The following ERBB4 variants were observed in gnomAD, a reference collection of about 807,000 sequenced individuals.
The protein encoded by ERBB4 is erb-b2 receptor tyrosine kinase 4, also known as receptor tyrosine-protein kinase erbB-4.
Under a neutral mutation model 158.0 loss-of-function variants are expected in ERBB4, and 42 were observed. The ratio of observed to expected loss-of-function variants is 0.27; its 90% CI spans 0.21 to 0.34. ERBB4 has a LOEUF of 0.34. Ranked by LOEUF, ERBB4 falls within the 10% of genes least tolerant of loss-of-function variation. The pLI is 1.00. For missense variants in ERBB4, 1,333 were observed against 1,624.1 expected (o/e 0.82, Z 3.08); for synonymous variants, 583 against 558.7 (o/e 1.04, Z -0.61).
chr2:212,349,493 T>C (rs975247946), intron 1 of ERBB4, among the ~76,000 whole-genome samples: 1 of 152,056 alleles, frequency 6.6e-6, no homozygotes, highest in Admixed American at 6.6e-5. Flanking sequence ...AAAACCTGAC[T>C]AACAGATTAA....
chr2:212,493,317 TATTA>T (rs1266130011), intron 1 of ERBB4, among the ~76,000 whole-genome samples: 1 of 151,316 alleles, frequency 6.6e-6, no homozygotes, highest in African/African-American at 2.4e-5. Flanking sequence ...ATTCAAATTT[TATTA>T]ATATTTAATG....
At chr2:211,428,506 A>G in intron 21 of ERBB4, 23 bp from the exon 22 acceptor site, 4 of 1,312,254 alleles carry the variant, frequency 3.0e-6, no homozygotes, top group Non-Finnish European at 3.3e-6. Context: ...AAGAAGTAAA[A>G]GTTTTAAAAT....
At chr2:212,251,444 A>C (rs2106050309) in intron 1 of ERBB4, among the ~76,000 whole-genome samples, 1 of 152,152 alleles carries the variant, frequency 6.6e-6, no homozygotes, top group Admixed American at 6.5e-5. Context: ...TGAGAAGAGA[A>C]AACAGACACG....
At chr2:211,840,330 T>C (rs2077443021) in intron 3 of ERBB4, among the ~76,000 whole-genome samples, 2 of 152,170 alleles carry the variant, frequency 1.3e-5, no homozygotes, top group Admixed American at 6.6e-5. Flanking sequence ...TCTCCAGCCA[T>C]GTGGAACTGT....
At chr2:212,410,000 T>C (rs1000785453) in intron 1 of ERBB4, among the ~76,000 whole-genome samples, 2 of 151,786 alleles carry the variant, frequency 1.3e-5, no homozygotes, top group African/African-American at 4.8e-5. Context: ...AAACAATAAA[T>C]CTAAAAAATA....
intron 1 of ERBB4, among the ~76,000 whole-genome samples, chr2:212,382,397 A>C (rs2090534115): frequency 6.6e-6 from 1 of 150,874 alleles, no homozygotes; most frequent in African/African-American, 2.4e-5. Flanking sequence ...CTATGTAAAA[A>C]TGTGTGTATT....
In ERBB4 at chr2:212,307,722, T is replaced by C. The variant is rs148163457; in HGVS notation, c.83-182819A>G. 4.9e-3 allele frequency among the ~76,000 whole-genome samples: 738 copies of C among 151,372 alleles called. 3 individuals are homozygous for C. Among genetic ancestry groups the C allele is most frequent in the African/African-American group, 0.017 (703 of 41,454 alleles). ...TCACATACACCATATGAGATTGAGATCACAGTCTAGTGTTTAAAATACAGA... is the reference window on the plus strand; with the variant it reads ...TCACATACACCATATGAGATTGAGACCACAGTCTAGTGTTTAAAATACAGA... On this transcript the variant is annotated intron_variant, in intron 1 of 27. Coordinates refer to ENST00000342788, the MANE Select transcript of ERBB4 (RefSeq NM_005235.3).
At chr2:211,830,751 G>A (rs1432406033) in intron 3 of ERBB4, among the ~76,000 whole-genome samples, 1 of 151,774 alleles carries the variant, frequency 6.6e-6, no homozygotes, top group Non-Finnish European at 1.5e-5. Context: ...TACAACCCAG[G>A]TAGCAGAAAT....
At chr2:212,244,850 C>T (rs1487626632) in intron 1 of ERBB4, among the ~76,000 whole-genome samples, 2 of 152,094 alleles carry the variant, frequency 1.3e-5, no homozygotes, top group African/African-American at 4.8e-5. Context: ...TATGTTCTAG[C>T]TGACATTAAT....
chr2:211,761,824 T>C (rs1476101600), intron 4 of ERBB4, among the ~76,000 whole-genome samples: 1 of 152,212 alleles, frequency 6.6e-6, no homozygotes, highest in Non-Finnish European at 1.5e-5. Flanking sequence ...TTCATTTATA[T>C]GCTCACAAAA....
At chr2:212,331,401 G>A (rs1346888293) in intron 1 of ERBB4, among the ~76,000 whole-genome samples, 6 of 151,340 alleles carry the variant, frequency 4.0e-5, no homozygotes, top group East Asian at 3.9e-4. Flanking sequence ...GGGGAATCTC[G>A]CAAACCAAAA....
chr2:212,113,506 G>A (rs958060084), intron 2 of ERBB4, among the ~76,000 whole-genome samples: 10 of 148,754 alleles, frequency 6.7e-5, no homozygotes, highest in African/African-American at 1.8e-4. Context: ...CCCGGGAGGC[G>A]GAGCTTGCAG....
intron 1 of ERBB4, among the ~76,000 whole-genome samples, chr2:212,246,377 T>C (rs940385063): frequency 5.3e-5 from 8 of 152,322 alleles, no homozygotes; most frequent in Admixed American, 1.3e-4. Flanking sequence ...GAGTGTACTA[T>C]TCCTTCTCAA....
chr2:211,677,058 T>C (rs927742116), intron 13 of ERBB4, among the ~76,000 whole-genome samples: 1 of 152,200 alleles, frequency 6.6e-6, no homozygotes, highest in Admixed American at 6.5e-5. Flanking sequence ...CTTATGCTTC[T>C]AATATTAATA....
intron 20 of ERBB4, among the ~76,000 whole-genome samples, chr2:211,534,283 A>G (rs1402408703): frequency 6.6e-6 from 1 of 152,100 alleles, no homozygotes; most frequent in Non-Finnish European, 1.5e-5. Context: ...ATTTTATTCA[A>G]AGGGATAACA....
chr2:212,000,947 G>T (rs184129827), intron 2 of ERBB4, among the ~76,000 whole-genome samples: 37 of 151,942 alleles, frequency 2.4e-4, no homozygotes, highest in Admixed American at 5.2e-4. Flanking sequence ...TTAAGAAAGA[G>T]AGAACATTTT....
intron 1 of ERBB4, among the ~76,000 whole-genome samples, chr2:212,129,018 GTAT>G (rs1219869479): frequency 6.6e-6 from 1 of 151,892 alleles, no homozygotes; most frequent in Admixed American, 6.6e-5. Context: ...TTGAGAAAAG[GTAT>G]TATTATATGG....
At chr2:211,540,735 A>T (rs1574707114) in intron 20 of ERBB4, among the ~76,000 whole-genome samples, 1 of 150,462 alleles carries the variant, frequency 6.6e-6, no homozygotes, top group Non-Finnish European at 1.5e-5. Flanking sequence ...CTAGAGAAAT[A>T]TTTTTTTTTC....
At chr2:212,365,149 T>C (rs2089838780) in intron 1 of ERBB4, among the ~76,000 whole-genome samples, 1 of 151,620 alleles carries the variant, frequency 6.6e-6, no homozygotes, top group Non-Finnish European at 1.5e-5. Context: ...AATCCTTTCT[T>C]TTAGGAACAC....
Sources: allele counts gnomAD v4.1 joint callset (sites outside exome capture counted in the v4.1 genomes callset), GRCh38; gene constraint gnomAD v4.1.1; transcripts MANE v1.5; gene names NCBI Gene and HGNC (gene_info 2026-07-23, HGNC 2026-07-21).